The following ANXA8 variants were observed in gnomAD, a reference collection of about 807,000 sequenced individuals.
ANXA8 encodes the protein VAC-beta.
Under a neutral mutation model 26.8 loss-of-function variants are expected in ANXA8, and 9 were observed. The observed-to-expected ratio is 0.34, with a 90% CI of 0.20 to 0.59. The LOEUF (loss-of-function observed/expected upper bound fraction) is 0.59. Ranked by LOEUF, ANXA8 falls within the 20% of genes least tolerant of loss-of-function variation. ANXA8 has a pLI of 0.84. For missense variants in ANXA8, 83 were observed against 238.5 expected, an observed-to-expected ratio of 0.35 and a Z score of 4.29; for synonymous variants, 39 against 94.8, an observed-to-expected ratio of 0.41 and a Z score of 3.42.
At chr10:47,507,621 T>A in the ANXA8 span, 3 of 1,529,680 alleles carry the variant, frequency 2.0e-6, no homozygotes, top group South Asian at 2.3e-5. Context: ...ATAGATGTTA[T>A]CATTTGTTAG....
At chr10:47,620,257 T>C in the ANXA8 span, among the ~76,000 whole-genome samples, 2 of 100,068 alleles carry the variant, frequency 2.0e-5, no homozygotes, top group East Asian at 4.7e-4. Context: ...CTCGGAAATC[T>C]TGGGGATAAG....
the ANXA8 span, among the ~76,000 whole-genome samples, chr10:47,645,408 G>A: frequency 6.8e-6 from 1 of 148,100 alleles, no homozygotes; most frequent in East Asian, 1.9e-4. Context: ...TCTGCAGGAT[G>A]CAAAAACTTT....
chr10:47,587,539 G>C, the ANXA8 span, among the ~76,000 whole-genome samples: 10 of 146,928 alleles, frequency 6.8e-5, no homozygotes, highest in Non-Finnish European at 1.2e-4. Context: ...TCGTCTGAAA[G>C]AAAGAATCAC....
At chr10:47,738,405 A>G in the ANXA8 span, among the ~76,000 whole-genome samples, 1 of 143,852 alleles carries the variant, frequency 7.0e-6, no homozygotes. Context: ...TTTTTATCCC[A>G]TTGATATTTT....
chr10:47,748,547 GA>G, the ANXA8 span, among the ~76,000 whole-genome samples: 1 of 152,134 alleles, frequency 6.6e-6, no homozygotes, highest in Non-Finnish European at 1.5e-5. Context: ...GCAAATGAAA[GA>G]CAAGGAAAAA....
At chr10:47,728,891 A>AT in the ANXA8 span, among the ~76,000 whole-genome samples, 1,446 of 151,146 alleles carry the variant, frequency 9.6e-3, no homozygotes, top group African/African-American at 0.033. Flanking sequence ...AGTAGCTGGG[A>AT]TTACAGGCAT....
At position 47,484,085 on chromosome 10, in the gene ANXA8, C is replaced by T; in HGVS notation, c.-152G>A. 1.3e-6 allele frequency: 2 copies of T among 1,596,668 alleles called. No homozygotes were observed. Among genetic ancestry groups the T allele is most frequent in the East Asian group, 4.5e-5 (2 of 44,726 alleles). On this transcript the variant is annotated 5_prime_UTR_variant, in exon 1 of 12. It adds an upstream start codon to the 5' untranslated region. Transcript: ENST00000585281. ...CAAGCCCGCCCAGGGCAGCGCCACA[C>T]CTGCCTGCCGTCCCCTCGCCCCCGG...
At chr10:47,743,334 A>ATATATATACACATATATG in the ANXA8 span, among the ~76,000 whole-genome samples, 1 of 72,714 alleles carries the variant, frequency 1.4e-5, no homozygotes, top group African/African-American at 4.6e-5. Flanking sequence ...ATATACATAT[A>ATATATATACACATATATG]TATATACATA....
chr10:47,492,977 T>C, the ANXA8 span, among the ~76,000 whole-genome samples: 3,954 of 151,170 alleles, frequency 0.026, 197 homozygotes, highest in African/African-American at 0.091. Flanking sequence ...AGCCTGGGAC[T>C]CGGGAGCTGA....
chr10:47,722,819 G>A, the ANXA8 span, among the ~76,000 whole-genome samples: 7 of 142,316 alleles, frequency 4.9e-5, no homozygotes, highest in South Asian at 2.2e-4. Flanking sequence ...GCAGAGAAGC[G>A]GTAAGAGGCT....
At chr10:47,490,291 C>A in the ANXA8 span, 1 of 156,506 alleles carries the variant, frequency 6.4e-6, no homozygotes, top group Non-Finnish European at 1.4e-5. Flanking sequence ...CTCTACCTTC[C>A]ACCTCTTGGT....
At chr10:47,723,633 T>C in the ANXA8 span, among the ~76,000 whole-genome samples, 1 of 139,600 alleles carries the variant, frequency 7.2e-6, no homozygotes, top group Non-Finnish European at 1.6e-5. Flanking sequence ...ACCCCCTCTT[T>C]AAATGCTGGG....
chr10:47,593,342 C>T, the ANXA8 span, among the ~76,000 whole-genome samples: 3 of 149,830 alleles, frequency 2.0e-5, no homozygotes, highest in South Asian at 4.2e-4. Context: ...GGAGCACCAC[C>T]AAGGCCCAGA....
the ANXA8 span, among the ~76,000 whole-genome samples, chr10:47,953,883 G>A: frequency 6.7e-6 from 1 of 150,254 alleles, no homozygotes; most frequent in Non-Finnish European, 1.5e-5. Flanking sequence ...ATCCAAGAAA[G>A]GCAATAACAA....
chr10:47,982,774 A>C, the ANXA8 span, among the ~76,000 whole-genome samples: 1 of 118,198 alleles, frequency 8.5e-6, no homozygotes, highest in African/African-American at 3.0e-5. Flanking sequence ...AAAGCAACCC[A>C]CAGAATGGGA....
At chr10:47,743,265 C>CAT in the ANXA8 span, among the ~76,000 whole-genome samples, 18 of 86,566 alleles carry the variant, frequency 2.1e-4, no homozygotes, top group South Asian at 1.5e-3. Flanking sequence ...TATATATATA[C>CAT]ATATATATAT....
the ANXA8 span, among the ~76,000 whole-genome samples, chr10:47,608,003 G>A: frequency 6.8e-6 from 1 of 146,892 alleles, no homozygotes; most frequent in Non-Finnish European, 1.5e-5. Context: ...ATTAGGAAAG[G>A]TCAATACAAT....
the ANXA8 span, among the ~76,000 whole-genome samples, chr10:47,667,550 A>G: frequency 6.6e-6 from 1 of 151,442 alleles, no homozygotes; most frequent in Non-Finnish European, 1.5e-5. Context: ...TTTTAAATTT[A>G]TTGTTTTTGT....
the ANXA8 span, among the ~76,000 whole-genome samples, chr10:47,736,613 C>T: frequency 6.6e-6 from 1 of 151,064 alleles, no homozygotes; most frequent in Non-Finnish European, 1.5e-5. Context: ...AAAAGGTTAT[C>T]TGTTTTAATT....
Sources: gnomAD v4.1 joint callset for allele counts (sites outside exome capture counted in the v4.1 genomes callset) on GRCh38, gnomAD v4.1.1 for gene constraint, MANE v1.5 for transcripts, NCBI Gene and HGNC (gene_info 2026-07-23, HGNC 2026-07-21) for gene names.